The following OCA2 variants were observed in gnomAD, a reference collection of about 807,000 sequenced individuals.
The protein encoded by OCA2 is P protein.
A neutral mutation model predicts 100.2 loss-of-function variants in OCA2; 77 were observed. That is an observed-to-expected ratio of 0.77 (90% CI 0.64 to 0.93). The LOEUF (loss-of-function observed/expected upper bound fraction) is 0.93, where lower values mean the gene tolerates loss of function less well. Ranked by LOEUF, OCA2 falls within the 40% of genes least tolerant of loss-of-function variation. The probability of loss-of-function intolerance (pLI) is 0.00; values close to 1 mark genes in which losing one functional copy is unlikely to be tolerated. For missense variants in OCA2, 1,062 were observed against 1,089.1 expected (o/e 0.98, Z 0.35); for synonymous variants, 432 against 439.2 (o/e 0.98, Z 0.21).
chr15:27,834,549 G>T (rs1299209164), intron 23 of OCA2, among the ~76,000 whole-genome samples: 1 of 152,234 alleles, frequency 6.6e-6, no homozygotes, highest in African/African-American at 2.4e-5. Flanking sequence ...AAGTGTGAGT[G>T]CCTGATACCT....
intron 23 of OCA2, among the ~76,000 whole-genome samples, chr15:27,813,538 A>G (rs1197297941): frequency 6.6e-6 from 1 of 152,216 alleles, no homozygotes; most frequent in Non-Finnish European, 1.5e-5. Flanking sequence ...ACAAACCTTT[A>G]CTTTCAAAGC....
At chr15:27,933,315 C>T (rs528190994) in intron 18 of OCA2, among the ~76,000 whole-genome samples, 1 of 120,410 alleles carries the variant, frequency 8.3e-6, no homozygotes, top group African/African-American at 3.2e-5. Flanking sequence ...CAGAAATAAA[C>T]AAATGTGATT....
chr15:28,076,800 T>C (rs889175236), intron 2 of OCA2, among the ~76,000 whole-genome samples: 16 of 145,408 alleles, frequency 1.1e-4, no homozygotes, highest in African/African-American at 3.5e-4. Flanking sequence ...TGAGCCGAGA[T>C]TGCGCCACTG....
chr15:27,840,980 C>G (rs1239640241), intron 23 of OCA2, among the ~76,000 whole-genome samples: 1 of 152,134 alleles, frequency 6.6e-6, no homozygotes, highest in Non-Finnish European at 1.5e-5. Context: ...GTATAAGAAC[C>G]TGTTAAGTGG....
intron 23 of OCA2, among the ~76,000 whole-genome samples, chr15:27,829,749 G>A (rs1271396974): frequency 6.6e-6 from 1 of 152,218 alleles, no homozygotes; most frequent in Non-Finnish European, 1.5e-5. Context: ...AAGCACTGGA[G>A]AACTTGCCTG....
intron 1 of OCA2, among the ~76,000 whole-genome samples, chr15:28,090,749 A>G (rs2044856749): frequency 6.6e-6 from 1 of 152,178 alleles, no homozygotes; most frequent in Non-Finnish European, 1.5e-5. Flanking sequence ...GCAAGTCTCA[A>G]AAATAATATA....
At chr15:28,045,937 C>A (rs2043334488) in intron 2 of OCA2, among the ~76,000 whole-genome samples, 1 of 152,128 alleles carries the variant, frequency 6.6e-6, no homozygotes, top group East Asian at 1.9e-4. Context: ...TGAGAACTGC[C>A]CCTTCCTGCA....
intron 23 of OCA2, among the ~76,000 whole-genome samples, chr15:27,787,565 T>C (rs924187034): frequency 4.6e-5 from 7 of 152,062 alleles, no homozygotes; most frequent in African/African-American, 7.2e-5. Context: ...ATAATACTTA[T>C]AACTTTTGAA....
chr15:27,938,866 C>T (rs559491525), intron 18 of OCA2, among the ~76,000 whole-genome samples: 86 of 152,224 alleles, frequency 5.6e-4, no homozygotes, highest in Non-Finnish European at 9.3e-4. Context: ...TTGGGAGTGG[C>T]GGACTGGACT....
chr15:28,057,357 T>C (rs2043734084), intron 2 of OCA2, among the ~76,000 whole-genome samples: 1 of 152,130 alleles, frequency 6.6e-6, no homozygotes, highest in Non-Finnish European at 1.5e-5. Flanking sequence ...TCCAAGACAT[T>C]GCCCTGTGAT....
At chr15:27,807,950 C>T (rs2033924110) in intron 23 of OCA2, among the ~76,000 whole-genome samples, 1 of 152,220 alleles carries the variant, frequency 6.6e-6, no homozygotes, top group Non-Finnish European at 1.5e-5. Flanking sequence ...TGTACATTTA[C>T]TGACAGCACT....
intron 1 of OCA2, among the ~76,000 whole-genome samples, chr15:28,086,710 A>G (rs537484089): frequency 7.2e-5 from 11 of 152,366 alleles, no homozygotes; most frequent in Admixed American, 7.2e-4. Flanking sequence ...TCAAAGAGAA[A>G]TAAACACATT....
chr15:28,018,690 T>C, intron 6 of OCA2, 133 bp from the exon 7 acceptor site: 1 of 800,292 alleles, frequency 1.2e-6, no homozygotes, highest in South Asian at 1.5e-5. Context: ...CCCTTGGCCA[T>C]TAACACGATC....
At chr15:27,847,797 A>G (rs2035591527) in intron 22 of OCA2, among the ~76,000 whole-genome samples, 1 of 152,204 alleles carries the variant, frequency 6.6e-6, no homozygotes, top group African/African-American at 2.4e-5. Context: ...GGTATTTGTG[A>G]TAGTAGGGAA....
chr15:27,794,536 C>T (rs1044066396), intron 23 of OCA2, among the ~76,000 whole-genome samples: 2 of 152,168 alleles, frequency 1.3e-5, no homozygotes, highest in African/African-American at 2.4e-5. Context: ...TGAAACCTAA[C>T]GGGCCATGAC....
chr15:28,063,261 C>G (rs984484300), intron 2 of OCA2, among the ~76,000 whole-genome samples: 2 of 152,014 alleles, frequency 1.3e-5, no homozygotes, highest in Non-Finnish European at 2.9e-5. Context: ...TCATGATATA[C>G]CTTTTTCCAT....
intron 19 of OCA2, among the ~76,000 whole-genome samples, chr15:27,873,327 T>C (rs1420417961): frequency 6.6e-6 from 1 of 152,152 alleles, no homozygotes; most frequent in Non-Finnish European, 1.5e-5. Context: ...ACAGCCACTG[T>C]CCTCTGGGGG....
intron 23 of OCA2, among the ~76,000 whole-genome samples, chr15:27,770,391 C>T (rs1439331634): frequency 6.6e-6 from 1 of 152,190 alleles, no homozygotes; most frequent in Non-Finnish European, 1.5e-5. Flanking sequence ...CCGTGTGTGG[C>T]GCTGTCCCCG....
At chr15:28,006,168 T>G (rs1045801198) in intron 9 of OCA2, among the ~76,000 whole-genome samples, 2 of 152,118 alleles carry the variant, frequency 1.3e-5, no homozygotes, top group Non-Finnish European at 2.9e-5. Flanking sequence ...ACACGTTAGC[T>G]CCGGTGGTTA....
Sources: allele counts gnomAD v4.1 joint callset (sites outside exome capture counted in the v4.1 genomes callset), GRCh38; gene constraint gnomAD v4.1.1; transcripts MANE v1.5; gene names NCBI Gene and HGNC (gene_info 2026-07-23, HGNC 2026-07-21).